DIAPH3: variants seen among roughly 807,000 people sequenced by gnomAD.
The protein encoded by DIAPH3 is diaphanous related formin 3.
DIAPH3 carries 117 observed loss-of-function variants against 144.3 expected under a neutral mutation model. That is an observed-to-expected ratio of 0.81 (90% CI 0.70 to 0.95). The LOEUF (loss-of-function observed/expected upper bound fraction) is 0.95, where lower values mean the gene tolerates loss of function less well. Among genes scored for constraint, DIAPH3 ranks in the 40% least tolerant of loss-of-function variants. The pLI, the probability that DIAPH3 is intolerant of heterozygous loss-of-function variation, is 0.00. For synonymous variants in DIAPH3, 519 were observed against 488.9 expected, an observed-to-expected ratio of 1.06 and a Z score of -0.81; for missense variants, 1,421 against 1,412.7, an observed-to-expected ratio of 1.01 and a Z score of -0.09.
intron 25 of DIAPH3, among the ~76,000 whole-genome samples, chr13:59,779,415 T>TA (rs1404476694): frequency 1.3e-5 from 2 of 152,150 alleles, no homozygotes; most frequent in East Asian, 3.9e-4. Context: ...AATTCACAGA[T>TA]AAAATCCATG....
At chr13:59,840,760 T>C (rs1426416150) in intron 22 of DIAPH3, among the ~76,000 whole-genome samples, 2 of 152,092 alleles carry the variant, frequency 1.3e-5, no homozygotes, top group Non-Finnish European at 2.9e-5. Flanking sequence ...TTTAACTGTT[T>C]GCTCCCACTA....
chr13:60,000,172 A>G (rs2052439097), intron 9 of DIAPH3, among the ~76,000 whole-genome samples: 1 of 152,152 alleles, frequency 6.6e-6, no homozygotes, highest in Non-Finnish European at 1.5e-5. Flanking sequence ...CCTGGATTAT[A>G]TTCCTTGCTT....
intron 27 of DIAPH3, among the ~76,000 whole-genome samples, chr13:59,690,800 A>G (rs1593587469): frequency 6.6e-6 from 1 of 152,202 alleles, no homozygotes; most frequent in African/African-American, 2.4e-5. Context: ...CTATGCATCT[A>G]CCAGCCATTG....
chr13:59,746,136 A>C (rs2036692308), intron 27 of DIAPH3, among the ~76,000 whole-genome samples: 1 of 152,170 alleles, frequency 6.6e-6, no homozygotes, highest in African/African-American at 2.4e-5. Context: ...TTTTATATTC[A>C]GGCAGCTTTA....
intron 23 of DIAPH3, among the ~76,000 whole-genome samples, chr13:59,837,304 G>A (rs2042089411): frequency 6.6e-6 from 1 of 152,006 alleles, no homozygotes; most frequent in Non-Finnish European, 1.5e-5. Flanking sequence ...CATCCTTCCT[G>A]TTTCTGATTT....
At chr13:60,090,464 T>G (rs1173067976) in intron 4 of DIAPH3, among the ~76,000 whole-genome samples, 4 of 152,160 alleles carry the variant, frequency 2.6e-5, no homozygotes, top group Non-Finnish European at 4.4e-5. Context: ...AACCATGCAC[T>G]GTTAGACATC....
At chr13:59,954,685 A>G (rs993673065) in intron 17 of DIAPH3, among the ~76,000 whole-genome samples, 1 of 152,168 alleles carries the variant, frequency 6.6e-6, no homozygotes, top group African/African-American at 2.4e-5. Flanking sequence ...ATAGTTCCAT[A>G]GGCTGTAGAG....
At chr13:59,738,036 G>A (rs1264816296) in intron 27 of DIAPH3, among the ~76,000 whole-genome samples, 1 of 151,924 alleles carries the variant, frequency 6.6e-6, no homozygotes, top group South Asian at 2.1e-4. Context: ...GCATGGTGGT[G>A]GGCACCTGTA....
intron 20 of DIAPH3, among the ~76,000 whole-genome samples, chr13:59,905,347 A>G (rs2046677616): frequency 9.8e-6 from 1 of 102,542 alleles, no homozygotes; most frequent in South Asian, 3.9e-4. Context: ...TGTCTCAAAA[A>G]AAAAAAAAAA....
intron 27 of DIAPH3, among the ~76,000 whole-genome samples, chr13:59,728,313 T>G (rs1160384406): frequency 1.3e-5 from 2 of 152,118 alleles, no homozygotes; most frequent in African/African-American, 4.8e-5. Context: ...TAGATAATTT[T>G]TATTATAAAT....
intron 20 of DIAPH3, among the ~76,000 whole-genome samples, chr13:59,905,989 T>A (rs951659525): frequency 3.0e-4 from 45 of 152,170 alleles, no homozygotes; most frequent in Admixed American, 2.6e-4. Context: ...AGGAAACTAA[T>A]ATAGTCCTAC....
chr13:59,741,389 T>G (rs1467988730), intron 27 of DIAPH3, among the ~76,000 whole-genome samples: 1 of 152,170 alleles, frequency 6.6e-6, no homozygotes, highest in Non-Finnish European at 1.5e-5. Flanking sequence ...TTCCACCTAA[T>G]GAAAGTATTA....
chr13:59,715,831 G>A (rs2035022436), intron 27 of DIAPH3, among the ~76,000 whole-genome samples: 1 of 152,102 alleles, frequency 6.6e-6, no homozygotes, highest in Non-Finnish European at 1.5e-5. Flanking sequence ...CATTTATTGT[G>A]AGATTACGTA....
intron 27 of DIAPH3, among the ~76,000 whole-genome samples, chr13:59,728,018 A>G (rs758805939): frequency 1.1e-4 from 16 of 151,990 alleles, no homozygotes; most frequent in Non-Finnish European, 2.1e-4. Flanking sequence ...CTAGAGTAGT[A>G]CATGGAAACT....
At chr13:59,954,198 A>G (rs1035147550) in intron 17 of DIAPH3, among the ~76,000 whole-genome samples, 11 of 152,202 alleles carry the variant, frequency 7.2e-5, no homozygotes, top group Admixed American at 6.5e-4. Flanking sequence ...CCTTTCTAAT[A>G]ATGCAACCTT....
chr13:60,018,541 T>C (rs1251912846), intron 5 of DIAPH3, among the ~76,000 whole-genome samples: 2 of 152,166 alleles, frequency 1.3e-5, no homozygotes, highest in African/African-American at 2.4e-5. Flanking sequence ...AGACCCACTA[T>C]ATAACTCTCT....
intron 17 of DIAPH3, among the ~76,000 whole-genome samples, chr13:59,957,824 A>G (rs2049497128): frequency 6.6e-6 from 1 of 152,228 alleles, no homozygotes; most frequent in Non-Finnish European, 1.5e-5. Flanking sequence ...CCTCATTTAA[A>G]AACAAACACA....
At chr13:59,896,099 G>T (rs1437596242) in intron 20 of DIAPH3, among the ~76,000 whole-genome samples, 1 of 152,188 alleles carries the variant, frequency 6.6e-6, no homozygotes, top group African/African-American at 2.4e-5. Flanking sequence ...ATATGGAAAT[G>T]TAAGTTTAGA....
chr13:59,861,331 C>A (rs757007649), intron 22 of DIAPH3, 76 bp downstream of exon 22: 1 of 1,609,244 alleles, frequency 6.2e-7, no homozygotes, highest in Non-Finnish European at 8.5e-7. Context: ...AAAGTACATA[C>A]AAATAAAAGG....
Sources: gnomAD v4.1 joint callset for allele counts (sites outside exome capture counted in the v4.1 genomes callset) on GRCh38, gnomAD v4.1.1 for gene constraint, MANE v1.5 for transcripts, NCBI Gene and HGNC (gene_info 2026-07-23, HGNC 2026-07-21) for gene names.